Variants in ANO3 observed in about 807,000 individuals in gnomAD.
ANO3 encodes anoctamin-3.
A neutral mutation model predicts 144.8 loss-of-function variants in ANO3; 99 were observed. That is an observed-to-expected ratio of 0.68 (90% confidence interval 0.58 to 0.81). The LOEUF (loss-of-function observed/expected upper bound fraction) is 0.81, where lower values mean the gene tolerates loss of function less well. ANO3 is among the 30% of genes least tolerant of loss of function. ANO3 has a pLI of 0.00. For synonymous variants in ANO3, 414 were observed against 392.6 expected (o/e 1.05, Z -0.64); for missense variants, 905 against 1,202.2 (o/e 0.75, Z 3.66).
intron 14 of ANO3, among the ~76,000 whole-genome samples, chr11:26,595,904 A>C (rs1385047756): frequency 6.6e-6 from 1 of 152,072 alleles, no homozygotes; most frequent in East Asian, 1.9e-4. Context: ...TTATTTTTCT[A>C]CTTTCTTCTG....
chr11:26,487,351 T>C (rs568679842), intron 4 of ANO3, among the ~76,000 whole-genome samples: 8 of 152,342 alleles, frequency 5.3e-5, no homozygotes, highest in African/African-American at 1.4e-4. Context: ...CCTCCCACCA[T>C]AGTTCTGAGG....
intron 1 of ANO3, among the ~76,000 whole-genome samples, chr11:26,312,190 C>T (rs187897767): frequency 1.6e-4 from 25 of 152,336 alleles, no homozygotes; most frequent in African/African-American, 5.8e-4. Flanking sequence ...TTTTTTATGG[C>T]TGCATAGTAT....
intron 1 of ANO3, among the ~76,000 whole-genome samples, chr11:26,337,104 A>G (rs1855213127): frequency 1.3e-5 from 2 of 152,156 alleles, no homozygotes; most frequent in African/African-American, 4.8e-5. Context: ...TCCATTAACA[A>G]TCCCCCAGTA....
intron 21 of ANO3, among the ~76,000 whole-genome samples, chr11:26,640,500 T>C (rs12795885): frequency 0.38 from 57,483 of 152,024 alleles, 11,737 homozygotes; most frequent in South Asian, 0.49. Flanking sequence ...TTGAAAGAAA[T>C]AGGAAATTAG....
chr11:26,249,270 A>C (rs1852870840), intron 1 of ANO3, among the ~76,000 whole-genome samples: 1 of 152,206 alleles, frequency 6.6e-6, no homozygotes, highest in South Asian at 2.1e-4. Flanking sequence ...TGTTTTGTTT[A>C]TAAATGACTT....
At chr11:26,537,959 A>C (rs1849552603) in intron 10 of ANO3, among the ~76,000 whole-genome samples, 1 of 152,216 alleles carries the variant, frequency 6.6e-6, no homozygotes, top group African/African-American at 2.4e-5. Context: ...ATTTGAGCCA[A>C]CTTTTATTCC....
intron 1 of ANO3, among the ~76,000 whole-genome samples, chr11:26,364,858 C>G (rs1856022303): frequency 6.6e-6 from 1 of 152,118 alleles, no homozygotes; most frequent in African/African-American, 2.4e-5. Context: ...CCTGCCCCAC[C>G]CCAAATCTCA....
chr11:26,438,801 A>G (rs1247803485), intron 1 of ANO3, among the ~76,000 whole-genome samples: 2 of 151,296 alleles, frequency 1.3e-5, no homozygotes, highest in Non-Finnish European at 2.9e-5. Flanking sequence ...AAAATCAATC[A>G]TAGCTGCCTT....
chr11:26,318,097 A>G (rs1003073498), intron 1 of ANO3, among the ~76,000 whole-genome samples: 89 of 152,056 alleles, frequency 5.9e-4, no homozygotes, highest in African/African-American at 2.0e-3. Flanking sequence ...ATCACACACC[A>G]GGGCCTGTCA....
At chr11:26,351,234 C>T (rs1187259304) in intron 1 of ANO3, among the ~76,000 whole-genome samples, 1 of 151,504 alleles carries the variant, frequency 6.6e-6, no homozygotes, top group African/African-American at 2.4e-5. Context: ...TCCATGGGTA[C>T]ATTCTATTTT....
At chr11:26,612,818 C>CA in intron 17 of ANO3, among the ~76,000 whole-genome samples, 1 of 152,038 alleles carries the variant, frequency 6.6e-6, no homozygotes, top group East Asian at 1.9e-4. Context: ...TTAAATATAA[C>CA]AACCCATTTT....
intron 17 of ANO3, among the ~76,000 whole-genome samples, chr11:26,603,592 A>G (rs1171026785): frequency 6.6e-6 from 1 of 152,108 alleles, no homozygotes; most frequent in African/African-American, 2.4e-5. Flanking sequence ...TGCTCTTTGA[A>G]TGTTATTTAA....
intron 17 of ANO3, among the ~76,000 whole-genome samples, chr11:26,612,435 C>T (rs1852126036): frequency 6.7e-6 from 1 of 150,036 alleles, no homozygotes; most frequent in African/African-American, 2.5e-5. Flanking sequence ...ATTTTTACTT[C>T]TTCATCTATT....
chr11:26,433,980 C>T (rs1858206011), intron 1 of ANO3, among the ~76,000 whole-genome samples: 1 of 152,154 alleles, frequency 6.6e-6, no homozygotes, highest in Admixed American at 6.6e-5. Flanking sequence ...GCTATCAGCT[C>T]TTCTTTATCC....
intron 1 of ANO3, among the ~76,000 whole-genome samples, chr11:26,253,786 C>G (rs1289258055): frequency 2.0e-5 from 3 of 152,122 alleles, no homozygotes; most frequent in African/African-American, 7.2e-5. Context: ...ATTATGCCAC[C>G]CCACCTCATG....
rs757048340 is a variant in ANO3, at chr11:26,231,157, G to T, written c.154+41827G>T. ...CTCCCAAAGTGCTGGGATTACAAGCGTGAGCCACCACGCTCCACCTGAAGT... is the reference window on the plus strand; with the variant it reads ...CTCCCAAAGTGCTGGGATTACAAGCTTGAGCCACCACGCTCCACCTGAAGT... On this transcript the variant is annotated intron_variant, in intron 1 of 27. Coordinates refer to the ANO3 transcript ENST00000672621. Among the ~76,000 whole-genome samples, 3 of 152,074 alleles carry T rather than the reference G, an allele frequency of 2.0e-5. No homozygotes were observed. In the East Asian group the frequency reaches 5.8e-4, roughly 30 times the overall value.
chr11:26,256,052 G>C (rs1189792071), intron 1 of ANO3, among the ~76,000 whole-genome samples: 1 of 152,074 alleles, frequency 6.6e-6, no homozygotes, highest in Non-Finnish European at 1.5e-5. Context: ...ATGAAAGGCA[G>C]GACACTATCA....
intron 1 of ANO3, among the ~76,000 whole-genome samples, chr11:26,400,842 G>A (rs1269629801): frequency 6.5e-5 from 1 of 15,478 alleles, no homozygotes; most frequent in Non-Finnish European, 1.9e-4. Context: ...CTGCCTAGAT[G>A]AATATATATA....
At chr11:26,518,228 C>G (rs1026900063) in intron 6 of ANO3, among the ~76,000 whole-genome samples, 2 of 151,956 alleles carry the variant, frequency 1.3e-5, no homozygotes, top group East Asian at 3.9e-4. Context: ...CATGCTATAA[C>G]CTTCTAAAAA....
Sources: allele counts gnomAD v4.1 joint callset (sites outside exome capture counted in the v4.1 genomes callset), GRCh38; gene constraint gnomAD v4.1.1; transcripts MANE v1.5; gene names NCBI Gene and HGNC (gene_info 2026-07-23, HGNC 2026-07-21).